The following EYA2 variants were observed in gnomAD, a reference collection of about 807,000 sequenced individuals.
The protein encoded by EYA2 is EYA transcriptional coactivator and phosphatase 2.
Under a neutral mutation model 69.2 loss-of-function variants are expected in EYA2, and 31 were observed. The observed-to-expected ratio is 0.45, with a 90% CI of 0.34 to 0.60. EYA2 has a LOEUF of 0.60. Among genes scored for constraint, EYA2 ranks in the 20% least tolerant of loss-of-function variants. The pLI is 0.02. For synonymous variants in EYA2, 257 were observed against 279.4 expected (o/e 0.92, Z 0.80); for missense variants, 622 against 701.2 (o/e 0.89, Z 1.28).
chr20:47,080,178 T>C (rs1270796042), intron 7 of EYA2, among the ~76,000 whole-genome samples: 1 of 152,078 alleles, frequency 6.6e-6, no homozygotes, highest in Non-Finnish European at 1.5e-5. Flanking sequence ...GAAATAAATT[T>C]CAGAAAGATT....
intron 10 of EYA2, among the ~76,000 whole-genome samples, chr20:47,144,946 T>C (rs2033671320): frequency 6.6e-6 from 1 of 152,160 alleles, no homozygotes. Flanking sequence ...CGGTAAAGAC[T>C]CAGCCGATTG....
chr20:46,935,681 G>A (rs913876267), intron 1 of EYA2, among the ~76,000 whole-genome samples: 3 of 152,078 alleles, frequency 2.0e-5, no homozygotes, highest in African/African-American at 7.2e-5. Context: ...TTACAGGGCT[G>A]TTATATGAAT....
chr20:46,980,509 C>T (rs79355074), intron 1 of EYA2, among the ~76,000 whole-genome samples: 3,970 of 152,152 alleles, frequency 0.026, 149 homozygotes, highest in East Asian at 0.12. Context: ...GACATATTTT[C>T]AGGGTGCATG....
chr20:46,934,288 A>T (rs1985807973), intron 1 of EYA2, among the ~76,000 whole-genome samples: 2 of 151,542 alleles, frequency 1.3e-5, no homozygotes, highest in South Asian at 4.2e-4. Context: ...TCTCTCTCTC[A>T]CCCCGTCCCC....
chr20:47,155,278 G>A (rs527904715), intron 10 of EYA2, among the ~76,000 whole-genome samples: 15 of 151,952 alleles, frequency 9.9e-5, no homozygotes, highest in Non-Finnish European at 1.6e-4. Flanking sequence ...ACATGAACAC[G>A]ACAGCATCCT....
chr20:47,178,243 G>T (rs2034460256), intron 12 of EYA2, among the ~76,000 whole-genome samples: 1 of 151,676 alleles, frequency 6.6e-6, no homozygotes, highest in Non-Finnish European at 1.5e-5. Context: ...TGGAAGGATT[G>T]CAGGATTGCT....
At chr20:47,102,974 T>C (rs1029008471) in intron 9 of EYA2, among the ~76,000 whole-genome samples, 3 of 152,202 alleles carry the variant, frequency 2.0e-5, no homozygotes, top group African/African-American at 7.2e-5. Context: ...ATTAGTCAGC[T>C]TTCCTCCAGG....
chr20:47,088,002 A>G (rs1216220493), intron 7 of EYA2, among the ~76,000 whole-genome samples: 1 of 152,180 alleles, frequency 6.6e-6, no homozygotes, highest in African/African-American at 2.4e-5. Context: ...CGAGGCAGGT[A>G]GATCACCTGA....
chr20:47,151,305 A>T (rs2146613664), intron 10 of EYA2, among the ~76,000 whole-genome samples: 1 of 151,664 alleles, frequency 6.6e-6, no homozygotes, highest in South Asian at 2.1e-4. Flanking sequence ...CAGGAGGCAG[A>T]GGTTGCAGTG....
Position 47,004,753 on chromosome 20 carries a change from G to A in EYA2, c.156-189G>A, listed in dbSNP as rs1021924234. On this transcript the variant is annotated intron_variant, in intron 3 of 15. Transcript: ENST00000327619. ...TCACACGGCTGAATCTGACTGCACA[G>A]GAGACAGAAAATGTAATCTTCCTGC... 3.8e-5 allele frequency: 29 copies of A among 753,534 alleles called. No homozygotes were observed. In the South Asian group the frequency reaches 4.2e-4, roughly 11 times the overall value. The allele number at this position is 753,534 out of a possible 1,614,324, so 46.7% of individuals were successfully genotyped here.
intron 5 of EYA2, among the ~76,000 whole-genome samples, chr20:47,016,699 A>G (rs755792731): frequency 1.5e-4 from 23 of 152,218 alleles, no homozygotes; most frequent in Non-Finnish European, 3.1e-4. Flanking sequence ...TAGACATCTT[A>G]GGGAAGAGCA....
intron 7 of EYA2, among the ~76,000 whole-genome samples, chr20:47,079,344 G>T (rs576666504): frequency 6.6e-6 from 1 of 152,334 alleles, no homozygotes; most frequent in African/African-American, 2.4e-5. Context: ...AAATTGAGGG[G>T]TCAGCAGGGT....
In EYA2 at chr20:47,106,266, T is replaced by C. The variant is rs907319788; in HGVS notation, c.888+9098T>C. On this transcript the variant is annotated intron_variant, in intron 9 of 15. Transcript: ENST00000327619. ...GCACCAGGGTGGTCTGCCTCCCAGC[T>C]GTAGCCCCCGGACCTAGCACAGGGC... 5.9e-5 allele frequency among the ~76,000 whole-genome samples: 9 copies of C among 152,200 alleles called. No individual in the cohort carries two copies. In the South Asian group the frequency reaches 1.0e-3, roughly 17 times the overall value.
intron 8 of EYA2, among the ~76,000 whole-genome samples, chr20:47,092,600 G>A (rs1368999165): frequency 6.6e-6 from 1 of 152,294 alleles, no homozygotes; most frequent in East Asian, 1.9e-4. Context: ...TCTGCTCTCT[G>A]TAGGGGAACG....
rs56288405 is a variant in EYA2, at chr20:46,987,916, G to GACTCTCTCTCCCTCTCTCTCTCTC, written c.-10-2085_-10-2084insACTCTCTCTCCCTCTCTCTCTCTC. 3.3e-3 allele frequency among the ~76,000 whole-genome samples: 67 copies of GACTCTCTCTCCCTCTCTCTCTCTC among 20,372 alleles called. 13 individuals carry two copies. Among genetic ancestry groups the GACTCTCTCTCCCTCTCTCTCTCTC allele is most frequent in the South Asian group, 5.5e-3 (2 of 366 alleles). 13.4% of individuals were successfully genotyped at this position (20,372 alleles called of 152,430 possible). ...TACTCCAGCCTGGAAGACAGAGTAA[G>GACTCTCTCTCCCTCTCTCTCTCTC]TCTCTCTCTCTCTCTCTCTCTCTCT... On this transcript the variant is annotated intron_variant, in intron 1 of 15. Coordinates refer to ENST00000327619, the MANE Select transcript of EYA2 (RefSeq NM_005244.5).
At chr20:47,172,570 G>A (rs1305649028) in intron 11 of EYA2, 137 bp from the exon 12 acceptor site, 2 of 778,976 alleles carry the variant, frequency 2.6e-6, no homozygotes, top group South Asian at 2.1e-5. Flanking sequence ...ATGCACACTC[G>A]CAGCACCCTG....
rs570930564 is a variant in EYA2 at position 46,934,406 on chromosome 20, C to T, written c.-11+39419C>T. Among the ~76,000 whole-genome samples the T allele has an allele frequency of 2.6e-5, 4 of 152,266 alleles. No homozygotes were observed. The East Asian group carries it at 5.8e-4, about 22-fold the overall frequency. On this transcript the variant is annotated intron_variant, in intron 1 of 15. Coordinates refer to ENST00000327619, the MANE Select transcript of EYA2 (RefSeq NM_005244.5). Reference sequence around the variant, plus strand: ...TTCTAGGTGTTCATCATCCTGAGGACTGGCAGTGGCAGCAGAAAGAGGGCT... The same window carrying T: ...TTCTAGGTGTTCATCATCCTGAGGATTGGCAGTGGCAGCAGAAAGAGGGCT...
intron 9 of EYA2, among the ~76,000 whole-genome samples, chr20:47,134,562 A>G (rs572403942): frequency 1.4e-5 from 2 of 143,440 alleles, no homozygotes; most frequent in South Asian, 4.2e-4. Flanking sequence ...ATTTTACACT[A>G]TAACCCACCA....
Position 47,172,783 on chromosome 20 carries a change from G to A in EYA2, c.1114G>A (p.Gly372Ser), listed in dbSNP as rs749006292. The stretch of plus-strand genomic sequence containing the variant: ...CCTGTGCCTGGGCTCTGGCGTGCAC[G>A]GCGGCGTGGACTGGATGAGGAAGCT... Reference protein sequence around the residue: ...ANLCLGSGVHGGVDWMRKLAF... With the variant: ...ANLCLGSGVHSGVDWMRKLAF... Residue 372 changes from glycine (G) to serine (S), a missense_variant, in exon 12 of 16, where the codon GGC (glycine) becomes AGC (serine). Gly to Ser is a moderately conservative substitution (Grantham distance 56). Transcript: ENST00000327619. 19 of 1,614,050 alleles carry A rather than the reference G, an allele frequency of 1.2e-5. No individual in the cohort carries two copies. Among genetic ancestry groups the A allele is most frequent in the South Asian group, 4.4e-5 (4 of 91,090 alleles).
Sources: gnomAD v4.1 joint callset for allele counts (sites outside exome capture counted in the v4.1 genomes callset) on GRCh38, gnomAD v4.1.1 for gene constraint, MANE v1.5 for transcripts, NCBI Gene and HGNC (gene_info 2026-07-23, HGNC 2026-07-21) for gene names.